Variants in STAT1 observed in about 807,000 individuals in gnomAD.
STAT1 encodes the protein signal transducer and activator of transcription 1.
Under a neutral mutation model 111.7 loss-of-function variants are expected in STAT1, and 24 were observed. The ratio of observed to expected loss-of-function variants is 0.21; its 90% CI spans 0.16 to 0.30. STAT1 has a LOEUF of 0.30. Among genes scored for constraint, STAT1 ranks in the 10% least tolerant of loss-of-function variants. STAT1 has a pLI of 1.00. For missense variants in STAT1, 351 were observed against 911.9 expected, an observed-to-expected ratio of 0.38 and a Z score of 7.92; for synonymous variants, 332 against 326.5, an observed-to-expected ratio of 1.02 and a Z score of -0.18.
rs577343072 is a variant in STAT1 at position 190,999,985 on chromosome 2, A to G, written c.463-281T>C. ...AGCGCCTAAATTTTGATTCTTCCTC[A>G]TCATTTTTGAGACTACCTCTGAGAT... On this transcript the variant is annotated intron_variant, in intron 6 of 24. Transcript: ENST00000361099. This position sits in a 1 kb window ranked among gnomAD's most constrained non-coding sequence, Gnocchi z 4.1. Among the ~76,000 whole-genome samples the G allele has an allele frequency of 1.3e-5, 2 of 152,298 alleles. No homozygotes were observed. The highest frequency in any genetic ancestry group is 2.9e-5 in the Non-Finnish European group (2 of 68,032).
rs571452940 is a variant in STAT1 at position 190,979,693 on chromosome 2, C to G, written c.1727+79G>C. On this transcript the variant is annotated intron_variant, in intron 20 of 24. Coordinates refer to ENST00000361099, the MANE Select transcript of STAT1 (RefSeq NM_007315.4). This position sits in a 1 kb window ranked among gnomAD's most constrained non-coding sequence, Gnocchi z 5.8. ...AGATTCACACACGCCTAGTCAAATA[C>G]TGAAGCTGGACTCAGGCCTTGTCTC... is the stretch of plus-strand genomic sequence containing the variant. 10 of 1,164,478 alleles carry G rather than the reference C, an allele frequency of 8.6e-6. No homozygotes were observed. The African/African-American group carries it at 1.1e-4, about 12-fold the overall frequency. 72.1% of individuals were successfully genotyped at this position (1,164,478 alleles called of 1,614,324 possible). A position where few individuals can be genotyped will look rare whatever the true frequency, so the allele number is the denominator to read the frequency against.
At chr2:190,972,816 GGTGT>G (rs34975356) in intron 24 of STAT1, among the ~76,000 whole-genome samples, 6,872 of 136,360 alleles carry the variant, frequency 0.05, 374 homozygotes, top group African/African-American at 0.14. Flanking sequence ...GTGTATAGAG[GGTGT>G]GTGTGTGTGT....
Position 190,990,693 on chromosome 2 carries a change from C to T in STAT1, c.1037+535G>A, listed in dbSNP as rs113403725. Among the ~76,000 whole-genome samples the T allele has an allele frequency of 7.0e-4, 106 of 152,062 alleles. No homozygotes were observed. Among genetic ancestry groups the T allele is most frequent in the Middle Eastern group, 6.8e-3 (2 of 294 alleles). On this transcript the variant is annotated intron_variant, in intron 11 of 24. Transcript: ENST00000361099. This position sits in a 1 kb window ranked among gnomAD's most constrained non-coding sequence, Gnocchi z 5.1. ...TGTCATGTTTGTGCGTGTGTGTTTC[C>T]GTATGAAATATATATTTGTGTAGAC... is the stretch of plus-strand genomic sequence containing the variant.
intron 10 of STAT1, among the ~76,000 whole-genome samples, 154 bp downstream of exon 10, chr2:190,994,905 ACT>A (rs1197186391): frequency 2.6e-5 from 3 of 116,908 alleles, no homozygotes; most frequent in African/African-American, 3.4e-5. Context: ...GATAGGTGAG[ACT>A]CTATCTCAAA....
Position 190,983,777 on chromosome 2 carries a change from A to G in STAT1, c.1348-37T>C. 1 of 1,562,970 alleles carries G rather than the reference A, an allele frequency of 6.4e-7. No individual in the cohort carries two copies. Among genetic ancestry groups the G allele is most frequent in the South Asian group, 1.1e-5 (1 of 90,062 alleles). On this transcript the variant is annotated intron_variant, in intron 16 of 24. Coordinates refer to ENST00000361099, the MANE Select transcript of STAT1 (RefSeq NM_007315.4). This position sits in a 1 kb window ranked among gnomAD's most constrained non-coding sequence, Gnocchi z 5.7. The stretch of plus-strand genomic sequence containing the variant: ...CAAAGACCTTGAAATCATCTGAATC[A>G]CAGAAATGTCACCTTCAGATAACTG...
rs566364034 is a variant in STAT1, at chr2:190,983,045, T to C, written c.1447-527A>G. Among the ~76,000 whole-genome samples the C allele has an allele frequency of 1.3e-5, 2 of 152,326 alleles. No homozygotes were observed. Among genetic ancestry groups the C allele is most frequent in the African/African-American group, 4.8e-5 (2 of 41,568 alleles). On this transcript the variant is annotated intron_variant, in intron 17 of 24. Transcript: ENST00000361099. This position sits in a 1 kb window ranked among gnomAD's most constrained non-coding sequence, Gnocchi z 5.7. ...ATGTGCCTTATGGAGAAAATACATG[T>C]GTGAGGCAAGCTTCACTCAGGCATG...
Position 190,984,325 on chromosome 2 carries a change from C to T in STAT1, c.1332G>A (p.Leu444=), listed in dbSNP as rs1241075451. 7 of 1,613,992 alleles carry T rather than the reference C, an allele frequency of 4.3e-6. No individual in the cohort carries two copies. The highest frequency in any genetic ancestry group is 5.9e-6 in the Non-Finnish European group (7 of 1,179,910). The change falls in exon 16 of 25, where the codon TTG becomes TTA. Residue 444 remains leucine, a synonymous_variant. Coordinates refer to ENST00000361099, the MANE Select transcript of STAT1 (RefSeq NM_007315.4). The surrounding 1 kb of genome is among the most constrained non-coding windows in gnomAD (Gnocchi z 5.2). ...SFETQLCQPG[L]VIDLETTSLP... is the part of the protein sequence containing the mutation. ...AAAGTCTTACCTCGAGGTCAATTAC[C>T]AAACCAGGCTGGCACAATTGGGTTT...
chr2:191,003,376 G>A lies in STAT1; in HGVS notation c.373-2213C>T, dbSNP rs1244193359. ...CCTGTGCAGGGAAATCTTTGCTGTT[G>A]TCTAATTCTGACATGGTTTGGATCT... is the stretch of plus-strand genomic sequence containing the variant. On this transcript the variant is annotated intron_variant, in intron 5 of 24. Coordinates refer to ENST00000361099, the MANE Select transcript of STAT1 (RefSeq NM_007315.4). The surrounding 1 kb of genome is among the most constrained non-coding windows in gnomAD (Gnocchi z 4.0). Among the ~76,000 whole-genome samples, 2 of 152,192 alleles carry A rather than the reference G, an allele frequency of 1.3e-5. No individual in the cohort carries two copies. Among genetic ancestry groups the A allele is most frequent in the Non-Finnish European group, 2.9e-5 (2 of 68,036 alleles).
At position 190,983,832 on chromosome 2, in the gene STAT1, T is replaced by C. The variant is rs1199236561; in HGVS notation, c.1348-92A>G. On this transcript the variant is annotated intron_variant, in intron 16 of 24. Coordinates refer to ENST00000361099, the MANE Select transcript of STAT1 (RefSeq NM_007315.4). The surrounding 1 kb of genome is among the most constrained non-coding windows in gnomAD (Gnocchi z 5.7). ...GCCTCAACTAAAAGCAGGGGATTAT[T>C]TGTAAATTTGTACATATTTAATACT... 2 of 1,033,496 alleles carry C rather than the reference T, an allele frequency of 1.9e-6. No homozygotes were observed. The highest frequency in any genetic ancestry group is 2.4e-5 in the East Asian group (1 of 41,030). The allele number at this position is 1,033,496 out of a possible 1,614,324, so 64.0% of individuals were successfully genotyped here. A position where few individuals can be genotyped will look rare whatever the true frequency, so the allele number is the denominator to read the frequency against.
rs144660434 is a variant in STAT1, at chr2:190,974,165, G to A, written c.2238+665C>T. On this transcript the variant is annotated intron_variant, in intron 24 of 24. Transcript: ENST00000361099. This position sits in a 1 kb window ranked among gnomAD's most constrained non-coding sequence, Gnocchi z 4.8. ...AGCAAGCACAATCTTTAAGAGGAAGGATTTTAGGCTGAAAGGCAAACAATA... is the reference window on the plus strand; with the variant it reads ...AGCAAGCACAATCTTTAAGAGGAAGAATTTTAGGCTGAAAGGCAAACAATA... Among the ~76,000 whole-genome samples the A allele has an allele frequency of 3.3e-5, 5 of 152,062 alleles. No individual in the cohort carries two copies. The highest frequency in any genetic ancestry group is 1.2e-4 in the African/African-American group (5 of 41,466).
Position 190,989,521 on chromosome 2 carries a change from A to C in STAT1, c.1097+94T>G, listed in dbSNP as rs1280533906. On this transcript the variant is annotated intron_variant, in intron 12 of 24. Coordinates refer to ENST00000361099, the MANE Select transcript of STAT1 (RefSeq NM_007315.4). The surrounding 1 kb of genome is among the most constrained non-coding windows in gnomAD (Gnocchi z 5.0). ...CCAGTATAGACCCTTCCACAGCTAG[A>C]AATCTGCTTATTTAGTGGAGGAATC... is the stretch of plus-strand genomic sequence containing the variant. The C allele has an allele frequency of 2.6e-5, 23 of 892,308 alleles. No homozygotes were observed. Among genetic ancestry groups the C allele is most frequent in the Non-Finnish European group, 3.9e-5 (22 of 570,010 alleles). The allele number at this position is 892,308 out of a possible 1,614,324, so 55.3% of individuals were successfully genotyped here.
chr2:191,008,652 C>A (rs564013145), intron 4 of STAT1, among the ~76,000 whole-genome samples: 1 of 152,296 alleles, frequency 6.6e-6, no homozygotes, highest in Non-Finnish European at 1.5e-5. Flanking sequence ...AATGTAGCCC[C>A]TTTTCTTTGG....
intron 2 of STAT1, chr2:191,010,444 G>A (rs1695035837): frequency 2.1e-6 from 1 of 466,590 alleles, no homozygotes; most frequent in Non-Finnish European, 4.4e-6. Context: ...GTGCACTGGT[G>A]TATCCCTAGA....
rs965868916 is a variant in STAT1 at position 191,006,144 on chromosome 2, T to C, written c.372+1419A>G. ...TTCTGCCCATCTTTGCTCCTGGCTG[T>C]CCTTTCAAGTCTATTAGAAATACAG... On this transcript the variant is annotated intron_variant, in intron 5 of 24. Coordinates refer to ENST00000361099, the MANE Select transcript of STAT1 (RefSeq NM_007315.4). The surrounding 1 kb of genome is among the most constrained non-coding windows in gnomAD (Gnocchi z 4.6). 6.6e-6 allele frequency among the ~76,000 whole-genome samples: 1 copy of C among 152,230 alleles called. No individual in the cohort carries two copies.
In STAT1 at chr2:190,987,097, T is replaced by C. The variant is rs72556536; in HGVS notation, c.1098-29A>G. 6.5e-7 allele frequency: 1 copy of C among 1,545,786 alleles called. No individual in the cohort carries two copies. Among genetic ancestry groups the C allele is most frequent in the Non-Finnish European group, 8.9e-7 (1 of 1,120,424 alleles). On this transcript the variant is annotated intron_variant, in intron 12 of 24. Transcript: ENST00000361099. The surrounding 1 kb of genome is among the most constrained non-coding windows in gnomAD (Gnocchi z 4.0). The stretch of plus-strand genomic sequence containing the variant: ...CAAAAAAAATATATATAATCACATA[T>C]GCGTATTTAAAATTTGAAATAAGCT...
chr2:190,985,353 G>A (rs961072739), intron 15 of STAT1, among the ~76,000 whole-genome samples: 9 of 152,206 alleles, frequency 5.9e-5, no homozygotes, highest in East Asian at 1.9e-4. Context: ...CGTAAGATGC[G>A]AAGAATACAA....
rs1691996104 is a variant in STAT1, at chr2:190,977,470, T to C, written c.1874-445A>G. ...TTTTTTATTAAAATAAATTATGATA[T>C]ATAGAAAACAACATTTCAAATTAAA... On this transcript the variant is annotated intron_variant, in intron 21 of 24. Coordinates refer to ENST00000361099, the MANE Select transcript of STAT1 (RefSeq NM_007315.4). The surrounding 1 kb of genome is among the most constrained non-coding windows in gnomAD (Gnocchi z 4.7). 6.6e-6 allele frequency among the ~76,000 whole-genome samples: 1 copy of C among 152,240 alleles called. No homozygotes were observed. Among genetic ancestry groups the C allele is most frequent in the Non-Finnish European group, 1.5e-5 (1 of 68,040 alleles).
At position 190,974,763 on chromosome 2, in the gene STAT1, G is replaced by T; in HGVS notation, c.2238+67C>A. On this transcript the variant is annotated intron_variant, in intron 24 of 24. Coordinates refer to ENST00000361099, the MANE Select transcript of STAT1 (RefSeq NM_007315.4). This position sits in a 1 kb window ranked among gnomAD's most constrained non-coding sequence, Gnocchi z 4.8. The stretch of plus-strand genomic sequence containing the variant: ...GCAGACAGGCCCGGGATCTGCCATG[G>T]TGCGCTCCCTGCCTCTGAGCACACA... 7.1e-7 allele frequency: 1 copy of T among 1,400,264 alleles called. No individual in the cohort carries two copies. Among genetic ancestry groups the T allele is most frequent in the Non-Finnish European group, 1.0e-6 (1 of 986,342 alleles). 86.7% of individuals were successfully genotyped at this position (1,400,264 alleles called of 1,614,324 possible). A position where few individuals can be genotyped will look rare whatever the true frequency, so the allele number is the denominator to read the frequency against.
At chr2:190,988,404 AGTCTC>A (rs1295776970) in intron 12 of STAT1, among the ~76,000 whole-genome samples, 3 of 152,180 alleles carry the variant, frequency 2.0e-5, no homozygotes, top group African/African-American at 7.2e-5. Context: ...TTTTAGACAG[AGTCTC>A]ACTCTGTCAC....
Sources: gnomAD v4.1 joint callset for allele counts (sites outside exome capture counted in the v4.1 genomes callset) on GRCh38, gnomAD v4.1.1 for gene constraint, Gnocchi (gnomAD v3.1) non-coding constraint, MANE v1.5 for transcripts, NCBI Gene and HGNC (gene_info 2026-07-23, HGNC 2026-07-21) for gene names.